The following LEMD1 variants were observed in gnomAD, a reference collection of about 807,000 sequenced individuals.
LEMD1 encodes LEM domain-containing protein 1.
A neutral mutation model predicts 17.4 loss-of-function variants in LEMD1; 18 were observed. The observed-to-expected ratio is 1.04, with a 90% CI of 0.72 to 1.54. The LOEUF (loss-of-function observed/expected upper bound fraction) is 1.54, where lower values mean the gene tolerates loss of function less well. LEMD1 is among the 40% of genes most tolerant of loss of function. LEMD1 has a pLI of 0.00. For missense variants in LEMD1, 195 were observed against 210.4 expected, an observed-to-expected ratio of 0.93 and a Z score of 0.45; for synonymous variants, 88 against 77.8, an observed-to-expected ratio of 1.13 and a Z score of -0.69.
chr1:205,408,297 T>G (rs918063908), intron 4 of LEMD1, among the ~76,000 whole-genome samples: 2 of 150,848 alleles, frequency 1.3e-5, no homozygotes, highest in Non-Finnish European at 2.9e-5. Flanking sequence ...CAATTTGCTC[T>G]CAAATCATTC....
chr1:205,381,592 G>A lies in LEMD1; in HGVS notation c.*66C>T. 6.8e-7 allele frequency: 1 copy of A among 1,476,574 alleles called. No homozygotes were observed. 91.5% of individuals were successfully genotyped at this position (1,476,574 alleles called of 1,614,324 possible). A position where few individuals can be genotyped will look rare whatever the true frequency, so the allele number is the denominator to read the frequency against. ...CTGCAGGCTAGGCTGGCCCTTCAGG[G>A]TAGTGTTTTGGTTCTTTCCTGAAGC... On this transcript the variant is annotated 3_prime_UTR_variant, in exon 6 of 6. Coordinates refer to ENST00000367153, the MANE Select transcript of LEMD1 (RefSeq NM_001199050.2).
chr1:205,429,367 C>G (rs1575002890), intron 1 of LEMD1, among the ~76,000 whole-genome samples: 1 of 152,334 alleles, frequency 6.6e-6, no homozygotes, highest in South Asian at 2.1e-4. Flanking sequence ...TAGGGGTCCT[C>G]TGAAGCCTTG....
At chr1:205,446,128 G>A (rs1666384104) in intron 1 of LEMD1, among the ~76,000 whole-genome samples, 1 of 152,228 alleles carries the variant, frequency 6.6e-6, no homozygotes, top group African/African-American at 2.4e-5. Flanking sequence ...GAATCCTCCA[G>A]GGAGAAGGGA....
chr1:205,412,427 A>G (rs1665493246), intron 4 of LEMD1, among the ~76,000 whole-genome samples: 1 of 152,250 alleles, frequency 6.6e-6, no homozygotes, highest in Admixed American at 6.5e-5. Flanking sequence ...TACAGTGTTA[A>G]AAAGAGTCCA....
rs762909668 is a variant in LEMD1 at position 205,448,315 on chromosome 1, C to T, written c.-39+1553G>A. On this transcript the variant is annotated intron_variant, in intron 1 of 3. Transcript: ENST00000367154. This position sits in a 1 kb window ranked among gnomAD's most constrained non-coding sequence, Gnocchi z 4.7. ...TGCGCAGGAGAAGGAGCTCGCCCCT[C>T]ACTGTAGCCCATGGCTTTTAGCCCT... 1 of 531,920 alleles carries T rather than the reference C, an allele frequency of 1.9e-6. No homozygotes were observed. The highest frequency in any genetic ancestry group is 3.9e-6 in the Non-Finnish European group (1 of 257,760). 33.0% of individuals were successfully genotyped at this position (531,920 alleles called of 1,614,324 possible).
At chr1:205,403,947 A>C (rs1344062598) in intron 4 of LEMD1, among the ~76,000 whole-genome samples, 1 of 151,812 alleles carries the variant, frequency 6.6e-6, no homozygotes, top group Non-Finnish European at 1.5e-5. Context: ...TTCTGCCTTC[A>C]TTTTGTTATG....
chr1:205,433,557 A>C (rs1666160045), intron 1 of LEMD1, among the ~76,000 whole-genome samples: 1 of 152,168 alleles, frequency 6.6e-6, no homozygotes, highest in Non-Finnish European at 1.5e-5. Context: ...AGGGCTTTGC[A>C]TAGGGCCGGG....
intron 3 of LEMD1, among the ~76,000 whole-genome samples, chr1:205,416,598 C>G (rs1344777582): frequency 1.3e-5 from 2 of 152,130 alleles, no homozygotes; most frequent in East Asian, 3.9e-4. Flanking sequence ...TCCCTTTGAA[C>G]CAGCTGTAAG....
At chr1:205,430,973 T>C (rs1666118517) in intron 1 of LEMD1, among the ~76,000 whole-genome samples, 1 of 152,136 alleles carries the variant, frequency 6.6e-6, no homozygotes, top group African/African-American at 2.4e-5. Flanking sequence ...CGGCTGAGGC[T>C]GAGATGATGG....
At chr1:205,442,504 C>T (rs1171977312) in intron 1 of LEMD1, among the ~76,000 whole-genome samples, 1 of 152,208 alleles carries the variant, frequency 6.6e-6, no homozygotes, top group Non-Finnish European at 1.5e-5. Flanking sequence ...CCAAGGCCCA[C>T]ACCAAGCACA....
At chr1:205,424,878 T>C (rs1181234335), upstream of LEMD1, among the ~76,000 whole-genome samples, 2 of 152,012 alleles carry the variant, frequency 1.3e-5, no homozygotes, top group African/African-American at 4.8e-5. Context: ...TGATATCGAG[T>C]GGAGGATGAA....
chr1:205,446,094 G>GAC (rs1027634977), intron 1 of LEMD1, among the ~76,000 whole-genome samples: 9 of 152,228 alleles, frequency 5.9e-5, no homozygotes, highest in African/African-American at 2.2e-4. Flanking sequence ...CAGGGGACAG[G>GAC]ACACACACAG....
intron 4 of LEMD1, among the ~76,000 whole-genome samples, chr1:205,411,017 G>GAGGA (rs1211636349): frequency 1.4e-5 from 2 of 147,342 alleles, no homozygotes; most frequent in Non-Finnish European, 3.0e-5. Flanking sequence ...GGGAGGGAGA[G>GAGGA]AGGAAGGAAG....
chr1:205,415,552 A>G (rs560906303), intron 4 of LEMD1, among the ~76,000 whole-genome samples: 3 of 152,258 alleles, frequency 2.0e-5, no homozygotes, highest in Admixed American at 1.3e-4. Flanking sequence ...GTCAGAGGTC[A>G]AAAGACAGAA....
intron 4 of LEMD1, among the ~76,000 whole-genome samples, chr1:205,393,605 G>A (rs1373301085): frequency 6.6e-6 from 1 of 151,852 alleles, no homozygotes; most frequent in Non-Finnish European, 1.5e-5. Flanking sequence ...GAACCCAAGA[G>A]GCAGAGGTTG....
chr1:205,432,318 G>A (rs545548781), intron 1 of LEMD1, among the ~76,000 whole-genome samples: 12 of 152,216 alleles, frequency 7.9e-5, no homozygotes, highest in East Asian at 7.7e-4. Flanking sequence ...GTGTGCTCCC[G>A]GTCTCCCACC....
intron 4 of LEMD1, among the ~76,000 whole-genome samples, chr1:205,396,380 A>G (rs1031169270): frequency 3.9e-5 from 6 of 152,166 alleles, no homozygotes. Context: ...GCAATTTAAT[A>G]TAATCTCTTA....
intron 4 of LEMD1, among the ~76,000 whole-genome samples, chr1:205,406,722 G>A (rs939194907): frequency 2.6e-4 from 40 of 152,126 alleles, no homozygotes; most frequent in Non-Finnish European, 5.0e-4. Flanking sequence ...ACTGTCCTGC[G>A]CCCACTGTCT....
chr1:205,412,129 G>A (rs1224199934), intron 4 of LEMD1, among the ~76,000 whole-genome samples: 1 of 152,042 alleles, frequency 6.6e-6, no homozygotes, highest in Non-Finnish European at 1.5e-5. Flanking sequence ...TAAATTATAC[G>A]GCCACCTTAC....
Sources: gnomAD v4.1 joint callset for allele counts (sites outside exome capture counted in the v4.1 genomes callset) on GRCh38, gnomAD v4.1.1 for gene constraint, Gnocchi (gnomAD v3.1) non-coding constraint, MANE v1.5 for transcripts, NCBI Gene and HGNC (gene_info 2026-07-23, HGNC 2026-07-21) for gene names.